The following IL1R1 variants were observed in gnomAD, a reference collection of about 807,000 sequenced individuals.
IL1R1 encodes interleukin-1 receptor type 1.
A neutral mutation model predicts 50.2 loss-of-function variants in IL1R1; 22 were observed. That is an observed-to-expected ratio of 0.44 (90% confidence interval 0.31 to 0.63). IL1R1 has a LOEUF of 0.63. Ranked by LOEUF, IL1R1 falls within the 20% of genes least tolerant of loss-of-function variation. The probability of loss-of-function intolerance (pLI) is 0.07; values close to 1 mark genes in which losing one functional copy is unlikely to be tolerated. For synonymous variants in IL1R1, 251 were observed against 236.7 expected, an observed-to-expected ratio of 1.06 and a Z score of -0.55; for missense variants, 509 against 676.2, an observed-to-expected ratio of 0.75 and a Z score of 2.74.
At chr2:102,151,620 G>A (rs1683659162) in intron 1 of IL1R1, among the ~76,000 whole-genome samples, 1 of 152,224 alleles carries the variant, frequency 6.6e-6, no homozygotes, top group South Asian at 2.1e-4. Flanking sequence ...GCTACCCAAT[G>A]TTACCAGAGC....
At chr2:102,163,469 C>CT (rs34961509) in intron 3 of IL1R1, among the ~76,000 whole-genome samples, 316 of 151,290 alleles carry the variant, frequency 2.1e-3, no homozygotes, top group Non-Finnish European at 3.6e-3. Context: ...GTTCACTCAT[C>CT]TTTTTTTTTC....
intron 1 of IL1R1, among the ~76,000 whole-genome samples, chr2:102,129,021 G>A (rs1357683083): frequency 6.6e-6 from 1 of 152,066 alleles, no homozygotes; most frequent in Non-Finnish European, 1.5e-5. Context: ...GGGCCACATA[G>A]CAAGACCCTG....
At chr2:102,124,662 A>C (rs1681596421) in intron 1 of IL1R1, among the ~76,000 whole-genome samples, 1 of 152,084 alleles carries the variant, frequency 6.6e-6, no homozygotes, top group Admixed American at 6.6e-5. Context: ...TCATGCCTGT[A>C]ATCCCAGCAC....
chr2:102,108,169 T>A (rs1680525117), intron 1 of IL1R1, among the ~76,000 whole-genome samples: 1 of 152,064 alleles, frequency 6.6e-6, no homozygotes, highest in South Asian at 2.1e-4. Flanking sequence ...GAGAGCTGCA[T>A]GCTGAAATTT....
At chr2:102,165,530 T>C (rs1685112278) in intron 5 of IL1R1, among the ~76,000 whole-genome samples, 1 of 152,182 alleles carries the variant, frequency 6.6e-6, no homozygotes, top group Admixed American at 6.5e-5. Flanking sequence ...TAAGATGTAA[T>C]TGAGAAAAGT....
chr2:102,172,136 C>T (rs1041835675), intron 8 of IL1R1: 1 of 353,204 alleles, frequency 2.8e-6, no homozygotes, highest in African/African-American at 2.4e-5. Context: ...TTACAGACCA[C>T]TTAGAAGCCT....
intron 1 of IL1R1, among the ~76,000 whole-genome samples, chr2:102,144,705 G>C (rs1682963627): frequency 6.6e-6 from 1 of 152,174 alleles, no homozygotes; most frequent in African/African-American, 2.4e-5. Context: ...CTCTTCAAAA[G>C]GGGGGTCTTT....
intron 1 of IL1R1, among the ~76,000 whole-genome samples, chr2:102,078,600 A>ACACACACAC (rs57113618): frequency 1.2e-4 from 18 of 146,466 alleles, no homozygotes; most frequent in South Asian, 4.3e-4. Flanking sequence ...ACACACACAC[A>ACACACACAC]AGAAAAAAAA....
At chr2:102,105,389 G>C (rs1680345146) in intron 1 of IL1R1, among the ~76,000 whole-genome samples, 1 of 152,030 alleles carries the variant, frequency 6.6e-6, no homozygotes, top group African/African-American at 2.4e-5. Flanking sequence ...GTTTGAGATG[G>C]GGTCTCACTT....
At chr2:102,139,053 T>G (rs1682498127), upstream of IL1R1, among the ~76,000 whole-genome samples, 1 of 152,134 alleles carries the variant, frequency 6.6e-6, no homozygotes, top group African/African-American at 2.4e-5. Flanking sequence ...GCATTTGTTT[T>G]TTCTGAAGGA....
At chr2:102,113,189 G>A (rs944835763) in intron 1 of IL1R1, among the ~76,000 whole-genome samples, 5 of 152,362 alleles carry the variant, frequency 3.3e-5, no homozygotes, top group African/African-American at 7.2e-5. Context: ...AAGACTTTCA[G>A]TAAGGATTTT....
intron 1 of IL1R1, among the ~76,000 whole-genome samples, chr2:102,119,111 G>A (rs1027606196): frequency 1.3e-5 from 2 of 151,702 alleles, no homozygotes; most frequent in African/African-American, 4.9e-5. Context: ...GCATATCTGA[G>A]CTTATATCTG....
chr2:102,082,819 G>A (rs1014818907), intron 1 of IL1R1, among the ~76,000 whole-genome samples: 1 of 152,198 alleles, frequency 6.6e-6, no homozygotes, highest in African/African-American at 2.4e-5. Flanking sequence ...TAGCCTCGCT[G>A]TAACCTCGCT....
At chr2:102,151,835 G>C (rs1015428680) in intron 1 of IL1R1, among the ~76,000 whole-genome samples, 3 of 152,216 alleles carry the variant, frequency 2.0e-5, no homozygotes, top group African/African-American at 7.2e-5. Context: ...GACCCAGGAG[G>C]TGCCATAGAG....
intron 1 of IL1R1, among the ~76,000 whole-genome samples, chr2:102,137,153 G>T (rs1355128699): frequency 6.6e-6 from 1 of 152,188 alleles, no homozygotes; most frequent in Non-Finnish European, 1.5e-5. Flanking sequence ...GAGAAGGGAG[G>T]ATAGGTGTTG....
At chr2:102,172,031 C>CTTTTTTTTTTTTTTTTT (rs35265416) in intron 8 of IL1R1, 113 bp downstream of exon 8, 23 of 87,262 alleles carry the variant, frequency 2.6e-4, no homozygotes, top group East Asian at 3.5e-4. Flanking sequence ...CCTTTGCTGC[C>CTTTTTTTTTTTTTTTTT]TTTTTTTTTT....
At chr2:102,081,992 C>A (rs1032739822) in intron 1 of IL1R1, among the ~76,000 whole-genome samples, 1 of 152,156 alleles carries the variant, frequency 6.6e-6, no homozygotes, top group Non-Finnish European at 1.5e-5. Flanking sequence ...GTTAGCCTGC[C>A]TCAGAATACC....
chr2:102,148,889 G>A (rs1683387839), intron 1 of IL1R1, among the ~76,000 whole-genome samples: 1 of 152,156 alleles, frequency 6.6e-6, no homozygotes, highest in South Asian at 2.1e-4. Context: ...AGGCTGCAGT[G>A]AGCTGTAATC....
chr2:102,088,509 G>T (rs1679524384), intron 1 of IL1R1, among the ~76,000 whole-genome samples: 1 of 152,100 alleles, frequency 6.6e-6, no homozygotes, highest in South Asian at 2.1e-4. Flanking sequence ...TGTCATTCAG[G>T]CTTTGTTGTT....
Sources: allele counts gnomAD v4.1 joint callset (sites outside exome capture counted in the v4.1 genomes callset), GRCh38; gene constraint gnomAD v4.1.1; transcripts MANE v1.5; gene names NCBI Gene and HGNC (gene_info 2026-07-23, HGNC 2026-07-21).